Variants in CHD1L observed in about 807,000 individuals in gnomAD.
CHD1L encodes the protein ATP-dependent chromatin remodeler CHD1L.
Under a neutral mutation model 115.9 loss-of-function variants are expected in CHD1L, and 118 were observed. The ratio of observed to expected loss-of-function variants is 1.02; its 90% CI spans 0.88 to 1.19. CHD1L has a LOEUF of 1.19. Among genes scored for constraint, CHD1L ranks in the 50% most tolerant of loss-of-function variants. The probability of loss-of-function intolerance (pLI) is 0.00; values close to 1 mark genes in which losing one functional copy is unlikely to be tolerated. For synonymous variants in CHD1L, 411 were observed against 387.1 expected (o/e 1.06, Z -0.72); for missense variants, 1,179 against 1,065.3 (o/e 1.11, Z -1.49).
At chr1:147,260,958 T>C (rs1286116348) in intron 6 of CHD1L, 1 of 152,224 alleles carries the variant, frequency 6.6e-6, no homozygotes, top group Admixed American at 6.5e-5. Flanking sequence ...GTGATGATAA[T>C]TGAAGTTTGG....
In CHD1L at chr1:147,276,261, T is replaced by C. The variant is rs782649922; in HGVS notation, c.1539+4T>C. On this transcript the variant is annotated splice_donor_region_variant and intron_variant, in intron 14 of 22. Coordinates refer to ENST00000369258, the MANE Select transcript of CHD1L (RefSeq NM_004284.6). ...CGCTGCCGATGCTGACCTCCAGGTA[T>C]GATATGATATACTGTTCTTCACTTT... 33 of 1,614,058 alleles carry C rather than the reference T, an allele frequency of 2.0e-5. No homozygotes were observed. Among genetic ancestry groups the C allele is most frequent in the Non-Finnish European group, 2.7e-5 (32 of 1,179,920 alleles).
chr1:147,238,715 C>G (rs1287226132), upstream of CHD1L, among the ~76,000 whole-genome samples: 1 of 152,202 alleles, frequency 6.6e-6, no homozygotes, highest in Non-Finnish European at 1.5e-5. Context: ...AAAGTTATAA[C>G]AATCATATGC....
chr1:147,221,499 G>C, the CHD1L span, among the ~76,000 whole-genome samples: 3 of 152,142 alleles, frequency 2.0e-5, no homozygotes, highest in South Asian at 6.2e-4. Context: ...TTAATGAATG[G>C]CAAGGTCATT....
chr1:147,225,866 C>G, the CHD1L span: 1 of 152,056 alleles, frequency 6.6e-6, no homozygotes, highest in African/African-American at 2.4e-5. Context: ...CCGAGCTCCC[C>G]GAAAAAGAAA....
intron 13 of CHD1L, among the ~76,000 whole-genome samples, 180 bp from the exon 14 acceptor site, chr1:147,275,924 A>G (rs1270195731): frequency 6.6e-6 from 1 of 152,208 alleles, no homozygotes; most frequent in African/African-American, 2.4e-5. Context: ...AATGGTTCAG[A>G]GAGAATTTCA....
the CHD1L span, among the ~76,000 whole-genome samples, chr1:147,234,092 A>T: frequency 5.2e-4 from 79 of 151,794 alleles, no homozygotes; most frequent in African/African-American, 1.8e-3. Flanking sequence ...AATGATCAAT[A>T]AAAAAAATAA....
upstream of CHD1L, among the ~76,000 whole-genome samples, chr1:147,240,390 G>C (rs1480190555): frequency 6.6e-6 from 1 of 152,214 alleles, no homozygotes; most frequent in African/African-American, 2.4e-5. Flanking sequence ...AATACACTGC[G>C]GAAGGCCGCA....
At chr1:147,226,786 A>G in the CHD1L span, among the ~76,000 whole-genome samples, 1 of 151,814 alleles carries the variant, frequency 6.6e-6, no homozygotes, top group Non-Finnish European at 1.5e-5. Context: ...TGTTGTATTT[A>G]TAGCAACTTA....
At position 147,294,513 on chromosome 1, in the gene CHD1L, T is replaced by A. The variant is rs2103042704; in HGVS notation, c.2611T>A (p.Tyr871Asn). 1 of 1,610,008 alleles carries A rather than the reference T, an allele frequency of 6.2e-7. No individual in the cohort carries two copies. The highest frequency in any genetic ancestry group is 2.2e-5 in the East Asian group (1 of 44,708). ...TCTGGCTGCAAGAGGCATCCCAACT[T>A]ACATGTATCCTTTTGTGATCTTCAT... ...KHLAARGIPT[Y>N]IYYFPRSKSA... is the part of the protein sequence containing the mutation. Residue 871 changes from tyrosine to asparagine, a missense_variant, in exon 22 of 23, where the codon TAC (tyrosine) becomes AAC (asparagine). Physicochemically the swap from Tyr to Asn is moderately radical, Grantham distance 143. Transcript: ENST00000369258.
the CHD1L span, among the ~76,000 whole-genome samples, chr1:147,230,484 C>T: frequency 4.5e-5 from 4 of 89,044 alleles, 2 homozygotes; most frequent in African/African-American, 1.5e-4. Context: ...TTTCTTGTGT[C>T]TCTGCCAGGC....
the CHD1L span, among the ~76,000 whole-genome samples, chr1:147,221,113 C>CAGTAAGTAAT: frequency 0.14 from 21,771 of 152,010 alleles, 1,537 homozygotes; most frequent in South Asian, 0.18. Flanking sequence ...CATACCTGGC[C>CAGTAAGTAAT]CCAAAACTAT....
At chr1:147,227,409 AAATGTAGTTAAC>A in the CHD1L span, among the ~76,000 whole-genome samples, 2 of 152,240 alleles carry the variant, frequency 1.3e-5, no homozygotes, top group Non-Finnish European at 2.9e-5. Context: ...ATTACTTTTA[AAATGTAGTTAAC>A]AATGTAATTT....
chr1:147,259,637 A>T, intron 5 of CHD1L, 200 bp from the exon 6 acceptor site: 1 of 445,614 alleles, frequency 2.2e-6, no homozygotes, highest in Non-Finnish European at 4.0e-6. Context: ...AAAAAAAAAA[A>T]TCCCTTGGTT....
chr1:147,193,345 C>G, the CHD1L span, among the ~76,000 whole-genome samples: 9 of 152,004 alleles, frequency 5.9e-5, no homozygotes, highest in Non-Finnish European at 1.3e-4. Flanking sequence ...TCTGTGGGAT[C>G]GGTGGTGATA....
In CHD1L at chr1:147,292,011, C is replaced by T. The variant is rs587754533; in HGVS notation, c.2391+459C>T. 5.3e-5 allele frequency among the ~76,000 whole-genome samples: 8 copies of T among 152,238 alleles called. No individual in the cohort carries two copies. In the South Asian group the frequency reaches 1.7e-3, roughly 32 times the overall value. On this transcript the variant is annotated intron_variant, in intron 20 of 22. Transcript: ENST00000369258. ...ATGAATTTGGGGGGACACAGTTCAG[C>T]CTATAACAAGCAGATTGGGCCATAG...
chr1:147,217,001 G>A, the CHD1L span, among the ~76,000 whole-genome samples: 5 of 152,160 alleles, frequency 3.3e-5, no homozygotes, highest in Non-Finnish European at 7.3e-5. Context: ...AGCACTTTGG[G>A]AGGCTGAGGT....
chr1:147,277,169 G>A (rs183681919), intron 14 of CHD1L, among the ~76,000 whole-genome samples: 4 of 152,278 alleles, frequency 2.6e-5, no homozygotes, highest in Non-Finnish European at 4.4e-5. Flanking sequence ...TTAGGCTTTA[G>A]TCAGAGTGTG....
At chr1:147,233,307 C>T in the CHD1L span, among the ~76,000 whole-genome samples, 1 of 152,086 alleles carries the variant, frequency 6.6e-6, no homozygotes, top group African/African-American at 2.4e-5. Flanking sequence ...GCCCAGCAGC[C>T]ACCCCATCCA....
chr1:147,196,333 C>T, the CHD1L span, among the ~76,000 whole-genome samples: 1 of 152,064 alleles, frequency 6.6e-6, no homozygotes, highest in African/African-American at 2.4e-5. Context: ...TTCATTTAAG[C>T]TTAATCATAG....
Sources: gnomAD v4.1 joint callset for allele counts (sites outside exome capture counted in the v4.1 genomes callset) on GRCh38, gnomAD v4.1.1 for gene constraint, MANE v1.5 for transcripts, NCBI Gene and HGNC (gene_info 2026-07-23, HGNC 2026-07-21) for gene names.